The following DOCK5 variants were observed in gnomAD, a reference collection of about 807,000 sequenced individuals.
DOCK5 encodes dedicator of cytokinesis protein 5.
Under a neutral mutation model 251.8 loss-of-function variants are expected in DOCK5, and 142 were observed. The ratio of observed to expected loss-of-function variants is 0.56; its 90% CI spans 0.49 to 0.65. The LOEUF (loss-of-function observed/expected upper bound fraction) is 0.65, where lower values mean the gene tolerates loss of function less well. Ranked by LOEUF, DOCK5 falls within the 30% of genes least tolerant of loss-of-function variation. The pLI, the probability that DOCK5 is intolerant of heterozygous loss-of-function variation, is 0.00. For synonymous variants in DOCK5, 842 were observed against 835.5 expected, an observed-to-expected ratio of 1.01 and a Z score of -0.13; for missense variants, 2,111 against 2,312.3, an observed-to-expected ratio of 0.91 and a Z score of 1.79.
intron 40 of DOCK5, among the ~76,000 whole-genome samples, chr8:25,386,164 G>A (rs550277395): frequency 1.4e-4 from 21 of 152,232 alleles, no homozygotes; most frequent in Non-Finnish European, 2.8e-4. Flanking sequence ...TCAACCATTA[G>A]CTGTATAGAT....
At chr8:25,391,204 T>C (rs1418107863) in intron 42 of DOCK5, among the ~76,000 whole-genome samples, 1 of 5,754 alleles carries the variant, frequency 1.7e-4, no homozygotes, top group Non-Finnish European at 5.2e-4. Flanking sequence ...CACCTGTGTG[T>C]GTGTGTGTGT....
intron 26 of DOCK5, 153 bp from the exon 27 acceptor site, chr8:25,351,578 T>G (rs559736016): frequency 1.7e-6 from 1 of 604,866 alleles, no homozygotes; most frequent in East Asian, 2.8e-5. Context: ...TTATATATTA[T>G]TCTGTGAGAC....
At chr8:25,295,734 TAAC>T (rs1479972840) in intron 6 of DOCK5, among the ~76,000 whole-genome samples, 1 of 152,228 alleles carries the variant, frequency 6.6e-6, no homozygotes, top group Non-Finnish European at 1.5e-5. Context: ...ATGGAAATAA[TAAC>T]ATTTACCTCC....
In DOCK5 at chr8:25,302,291, C is replaced by T. The variant is rs770708255; in HGVS notation, c.847-34C>T. 4.4e-6 allele frequency: 7 copies of T among 1,573,506 alleles called. No individual in the cohort carries two copies. The African/African-American group carries it at 6.8e-5, about 15-fold the overall frequency. ...GACACAGGTGACACAGTGGTCCAGC[C>T]CCACCTCCTCTCACACTTTCTCTGC... On this transcript the variant is annotated intron_variant, in intron 9 of 51. Coordinates refer to ENST00000276440, the MANE Select transcript of DOCK5 (RefSeq NM_024940.8).
chr8:25,379,175 C>T (rs1475399651), intron 38 of DOCK5, among the ~76,000 whole-genome samples: 2 of 152,146 alleles, frequency 1.3e-5, no homozygotes, highest in African/African-American at 2.4e-5. Context: ...GGTTTGAGAG[C>T]AGAGAAGCGG....
chr8:25,351,857 G>A (rs1199751978), intron 27 of DOCK5, 31 bp downstream of exon 27: 9 of 1,590,764 alleles, frequency 5.7e-6, no homozygotes, highest in South Asian at 3.4e-5. Context: ...TCCCACGGCC[G>A]CTGCTGTTTC....
intron 20 of DOCK5, 44 bp downstream of exon 20, chr8:25,332,736 T>A (rs533414656): frequency 3.5e-6 from 5 of 1,448,290 alleles, no homozygotes; most frequent in Admixed American, 4.2e-5. Context: ...GTTGCAACTT[T>A]GTAGTTTTCA....
rs199685009 is a variant in DOCK5, at chr8:25,215,932, T to TACACACAC, written c.44-27709_44-27702dup. Among the ~76,000 whole-genome samples the TACACACAC allele has an allele frequency of 2.3e-3, 321 of 141,256 alleles. 1 individual carries two copies. The highest frequency in any genetic ancestry group is 7.5e-3 in the African/African-American group (293 of 39,042). The allele number at this position is 141,256 out of a possible 152,430, so 92.7% of individuals were successfully genotyped here. ...AATCTTTTCAAATCCTGGAAATAAA[T>TACACACAC]ACACACACACACACACACACACACA... On this transcript the variant is annotated intron_variant, in intron 1 of 51. Coordinates refer to ENST00000276440, the MANE Select transcript of DOCK5 (RefSeq NM_024940.8).
At chr8:25,407,864 CAA>C (rs10606113) in intron 48 of DOCK5, 117 bp from the exon 49 acceptor site, 3,227 of 980,532 alleles carry the variant, frequency 3.3e-3, no homozygotes, top group African/African-American at 0.014. Context: ...GACCCTGTCT[CAA>C]AAAAAAAAAA....
At position 25,372,643 on chromosome 8, in the gene DOCK5, C is replaced by T; in HGVS notation, c.3609C>T (p.Asn1203=). 4 of 1,610,368 alleles carry T rather than the reference C, an allele frequency of 2.5e-6. No homozygotes were observed. Among genetic ancestry groups the T allele is most frequent in the Non-Finnish European group, 2.5e-6 (3 of 1,178,422 alleles). The change falls in exon 35 of 52, where the codon AAC becomes AAT. Residue 1203 remains asparagine (N), a synonymous_variant. Transcript: ENST00000276440. ...FALLVSSLLE[N]LLDYRTIIMQ... is the part of the protein sequence containing the mutation. ...TCCTGGTCAGCAGCCTCTTAGAGAACCTGCTGGACTATAGAACCATCATCA... is the reference window on the plus strand; with the variant it reads ...TCCTGGTCAGCAGCCTCTTAGAGAATCTGCTGGACTATAGAACCATCATCA...
chr8:25,410,960 TGTGTGTGTGTGTGC>T (rs1801614964), intron 51 of DOCK5, among the ~76,000 whole-genome samples: 4 of 29,812 alleles, frequency 1.3e-4, no homozygotes, highest in South Asian at 3.4e-3. Flanking sequence ...TGTGTGTGTG[TGTGTGTGTGTGTGC>T]GCGCGCGCGC....
intron 33 of DOCK5, 94 bp downstream of exon 33, chr8:25,368,819 A>C: frequency 7.9e-7 from 1 of 1,262,014 alleles, no homozygotes. Flanking sequence ...AACCTTAATA[A>C]TGCAAGTCCA....
intron 2 of DOCK5, among the ~76,000 whole-genome samples, chr8:25,257,848 A>G (rs2117576390): frequency 6.6e-6 from 1 of 152,294 alleles, no homozygotes; most frequent in South Asian, 2.1e-4. Context: ...GAGTTGCAGC[A>G]AATTCATTGC....
At chr8:25,390,172 C>T in intron 41 of DOCK5, 34 bp from the exon 42 acceptor site, 6 of 1,550,858 alleles carry the variant, frequency 3.9e-6, no homozygotes, top group Non-Finnish European at 5.2e-6. Flanking sequence ...CTTCACGACC[C>T]CAGCCCCTCT....
chr8:25,194,952 G>A (rs1327234975), intron 1 of DOCK5, among the ~76,000 whole-genome samples: 2 of 151,504 alleles, frequency 1.3e-5, no homozygotes, highest in Admixed American at 6.6e-5. Context: ...ACGGAGTCTC[G>A]CTCTGTCGCC....
chr8:25,237,463 C>G (rs1316381529), intron 1 of DOCK5, among the ~76,000 whole-genome samples: 1 of 152,194 alleles, frequency 6.6e-6, no homozygotes, highest in African/African-American at 2.4e-5. Flanking sequence ...AGTTTGCAGC[C>G]AGTAAGTCTG....
intron 27 of DOCK5, among the ~76,000 whole-genome samples, chr8:25,354,837 A>G (rs1013106923): frequency 1.3e-5 from 2 of 152,226 alleles, no homozygotes; most frequent in African/African-American, 2.4e-5. Flanking sequence ...CCAAAATGGT[A>G]TCTGATTATT....
chr8:25,295,787 A>T (rs1361855807), intron 6 of DOCK5, among the ~76,000 whole-genome samples: 1 of 151,990 alleles, frequency 6.6e-6, no homozygotes, highest in African/African-American at 2.4e-5. Flanking sequence ...ATGTTTGTGA[A>T]GTGTATATAG....
intron 21 of DOCK5, among the ~76,000 whole-genome samples, chr8:25,335,045 T>A (rs1337975174): frequency 6.6e-6 from 1 of 152,202 alleles, no homozygotes; most frequent in East Asian, 1.9e-4. Context: ...TCCGCATTCC[T>A]CCCCAGAGCA....
Sources: allele counts gnomAD v4.1 joint callset (sites outside exome capture counted in the v4.1 genomes callset), GRCh38; gene constraint gnomAD v4.1.1; transcripts MANE v1.5; gene names NCBI Gene and HGNC (gene_info 2026-07-23, HGNC 2026-07-21).